The following HERC1 variants were observed in gnomAD, a reference collection of about 807,000 sequenced individuals.
HERC1 encodes HECT and RLD domain containing E3 ubiquitin protein ligase family member 1, also known as probable E3 ubiquitin-protein ligase HERC1.
In HERC1, 160 loss-of-function variants were observed where a neutral mutation model predicts 554.3. The observed-to-expected ratio is 0.29, with a 90% CI of 0.25 to 0.33. The LOEUF is 0.33. HERC1 is among the 10% of genes least tolerant of loss of function. The pLI, the probability that HERC1 is intolerant of heterozygous loss-of-function variation, is 1.00. For synonymous variants in HERC1, 2,175 were observed against 2,131.7 expected (o/e 1.02, Z -0.56); for missense variants, 4,919 against 5,918.5 (o/e 0.83, Z 5.54).
chr15:63,727,171 G>T lies in HERC1; in HGVS notation c.3346+476C>A. 6.6e-6 allele frequency among the ~76,000 whole-genome samples: 1 copy of T among 152,160 alleles called. No individual in the cohort carries two copies. The highest frequency in any genetic ancestry group is 1.9e-4 in the East Asian group (1 of 5,184). ...CATGCCTGTAATCCCAGCTACTCAG[G>T]AGGTTGAGCCAGGAGAATCACTTGA... On this transcript the variant is annotated intron_variant, in intron 17 of 77. Transcript: ENST00000443617. This position sits in a 1 kb window ranked among gnomAD's most constrained non-coding sequence, Gnocchi z 4.3.
chr15:63,742,684 T>C (rs60572942), intron 12 of HERC1, among the ~76,000 whole-genome samples: 3 of 152,260 alleles, frequency 2.0e-5, no homozygotes, highest in African/African-American at 4.8e-5. Context: ...TGAAAGAATG[T>C]TGAATTTTGT....
intron 40 of HERC1, among the ~76,000 whole-genome samples, chr15:63,668,706 G>A (rs2070759868): frequency 6.6e-6 from 1 of 151,864 alleles, no homozygotes; most frequent in South Asian, 2.1e-4. Context: ...AATAACAGAA[G>A]GTCTATTCAT....
intron 46 of HERC1, among the ~76,000 whole-genome samples, chr15:63,660,558 T>C (rs563811379): frequency 1.1e-4 from 16 of 152,288 alleles, no homozygotes; most frequent in Non-Finnish European, 1.5e-5. Flanking sequence ...AAAAATATTG[T>C]CATGGGTCCA....
intron 37 of HERC1, among the ~76,000 whole-genome samples, chr15:63,675,768 T>C (rs2071167237): frequency 6.6e-6 from 1 of 152,162 alleles, no homozygotes; most frequent in South Asian, 2.1e-4. Flanking sequence ...CAAAATGTAA[T>C]AAAAAGCTTT....
At chr15:63,750,094 C>T (rs1284718567) in intron 8 of HERC1, among the ~76,000 whole-genome samples, 2 of 152,102 alleles carry the variant, frequency 1.3e-5, no homozygotes, top group African/African-American at 2.4e-5. Flanking sequence ...TTATATTTGC[C>T]CCATCTCACC....
intron 12 of HERC1, among the ~76,000 whole-genome samples, chr15:63,744,267 C>T (rs1322374842): frequency 1.3e-5 from 2 of 151,910 alleles, no homozygotes; most frequent in African/African-American, 2.4e-5. Context: ...ACCACTATGA[C>T]TGCACTGGGT....
chr15:63,694,532 G>A lies in HERC1; in HGVS notation c.5260C>T (p.Leu1754Phe). ...KHHIEAQQRL[L>F]LVTVFALSVH... ...CTTAGGGCAAAAACTGTAACCAGAAGCAGACGTTGCTGGGCTTCTAAAAGA... is the reference window on the plus strand; with the variant it reads ...CTTAGGGCAAAAACTGTAACCAGAAACAGACGTTGCTGGGCTTCTAAAAGA... The change falls in exon 29 of 78, where the codon CTT (leucine) becomes TTT (phenylalanine). Residue 1754 changes from leucine to phenylalanine, a missense_variant. Leu to Phe is a conservative substitution (Grantham distance 22). Coordinates refer to ENST00000443617, the MANE Select transcript of HERC1 (RefSeq NM_003922.4). This position sits in a 1 kb window ranked among gnomAD's most constrained non-coding sequence, Gnocchi z 4.3. The A allele has an allele frequency of 6.2e-7, 1 of 1,613,948 alleles. No individual in the cohort carries two copies. The highest frequency in any genetic ancestry group is 8.5e-7 in the Non-Finnish European group (1 of 1,179,816).
chr15:63,780,083 C>A (rs769566441), intron 1 of HERC1: 6 of 151,016 alleles, frequency 4.0e-5, no homozygotes, highest in Non-Finnish European at 8.8e-5. Context: ...TATTGAGGTT[C>A]CAATCTGAAT....
rs1379844611 is a variant in HERC1 at position 63,632,804 on chromosome 15, T to G, written c.12701A>C (p.Asp4234Ala). 1 of 1,557,768 alleles carries G rather than the reference T, an allele frequency of 6.4e-7. No homozygotes were observed. The highest frequency in any genetic ancestry group is 8.7e-7 in the Non-Finnish European group (1 of 1,148,816). Residue 4234 changes from aspartate (D) to alanine (A), a missense_variant, in exon 68 of 78, where the codon GAC becomes GCC. This residue lies in a region of HERC1 where 410 missense variants were observed against 467.0 expected (regional missense o/e 0.88). Transcript: ENST00000443617. The stretch of plus-strand genomic sequence containing the variant: ...TTTTATTCCAATTCCACAAAGGACG[T>G]CAATTTTCTACAAAATAAAAGTGTA... ...STAKSSPQKI[D>A]VLCGIGIKKV...
intron 57 of HERC1, 126 bp from the exon 58 acceptor site, chr15:63,643,676 T>C (rs2069179593): frequency 1.6e-6 from 1 of 608,952 alleles, no homozygotes. Flanking sequence ...ATAATTTCTC[T>C]CATAAAGGAT....
rs1483551306 is a variant in HERC1 at position 63,659,773 on chromosome 15, T to C, written c.9387A>G (p.Thr3129=). 6.2e-7 allele frequency: 1 copy of C among 1,613,860 alleles called. No individual in the cohort carries two copies. The highest frequency in any genetic ancestry group is 8.5e-7 in the Non-Finnish European group (1 of 1,179,846). Residue 3129 remains threonine, a synonymous_variant, in exon 47 of 78, where the codon ACA becomes ACG. Coordinates refer to ENST00000443617, the MANE Select transcript of HERC1 (RefSeq NM_003922.4). The part of the protein sequence containing the change: ...DPLGASVAMV[T]ATNSMEETLM... ...GAGTCTCTTCCATACTGTTGGTGGC[T>C]GTGACCATTGCTACTGATGCTCCCA...
chr15:63,666,512 T>G, intron 40 of HERC1, 40 bp from the exon 41 acceptor site: 1 of 1,273,888 alleles, frequency 7.8e-7, no homozygotes, highest in Middle Eastern at 1.9e-4. Context: ...TAAATATCAC[T>G]AGATACCGTG....
intron 8 of HERC1, among the ~76,000 whole-genome samples, chr15:63,750,205 T>C (rs1286217039): frequency 6.6e-6 from 1 of 152,218 alleles, no homozygotes; most frequent in East Asian, 1.9e-4. Flanking sequence ...AAATGGATTA[T>C]ATAAATCACA....
intron 67 of HERC1, among the ~76,000 whole-genome samples, chr15:63,633,151 T>C (rs747628969): frequency 2.6e-5 from 4 of 152,248 alleles, no homozygotes; most frequent in Non-Finnish European, 5.9e-5. Context: ...TTAGCTTTTA[T>C]GGGCGACAAT....
chr15:63,696,049 A>T (rs2072394091), intron 27 of HERC1, 75 bp downstream of exon 27: 6 of 1,110,840 alleles, frequency 5.4e-6, no homozygotes, highest in Non-Finnish European at 8.0e-6. Context: ...CATAAACACC[A>T]AAAAGTTTCA....
rs541232823 is a variant in HERC1 at position 63,764,209 on chromosome 15, C to A, written c.931-18G>T. The A allele has an allele frequency of 6.5e-7, 1 of 1,532,642 alleles. No homozygotes were observed. The highest frequency in any genetic ancestry group is 1.2e-5 in the South Asian group (1 of 86,822). 94.9% of individuals were successfully genotyped at this position (1,532,642 alleles called of 1,614,324 possible). A position where few individuals can be genotyped will look rare whatever the true frequency, so the allele number is the denominator to read the frequency against. On this transcript the variant is annotated intron_variant, in intron 2 of 77. Transcript: ENST00000443617. ...GATGAACCCTATAATTAAAACATTG[C>A]GGGACACAGCGTAGGAAGGGGAGAG...
chr15:63,628,440 A>C (rs2068401940), intron 70 of HERC1, among the ~76,000 whole-genome samples: 1 of 152,234 alleles, frequency 6.6e-6, no homozygotes, highest in South Asian at 2.1e-4. Context: ...TTGCATAAGT[A>C]ATATGTATTC....
chr15:63,777,453 A>G (rs2076148340), intron 1 of HERC1, among the ~76,000 whole-genome samples: 2 of 152,154 alleles, frequency 1.3e-5, no homozygotes, highest in Admixed American at 1.3e-4. Flanking sequence ...GCTGTTTTAA[A>G]TTTGGCCAGT....
intron 1 of HERC1, among the ~76,000 whole-genome samples, chr15:63,796,958 T>C (rs1413724276): frequency 6.6e-6 from 1 of 152,210 alleles, no homozygotes; most frequent in Non-Finnish European, 1.5e-5. Flanking sequence ...GAGGGTATTA[T>C]GAGGCATATC....
Sources: gnomAD v4.1 joint callset for allele counts (sites outside exome capture counted in the v4.1 genomes callset) on GRCh38, gnomAD v4.1.1 for gene constraint, gnomAD v4.1.1 regional missense constraint, Gnocchi (gnomAD v3.1) non-coding constraint, MANE v1.5 for transcripts, NCBI Gene and HGNC (gene_info 2026-07-23, HGNC 2026-07-21) for gene names.